Variants in JAKMIP2 observed in about 807,000 individuals in gnomAD.
JAKMIP2 encodes janus kinase and microtubule-interacting protein 2.
A neutral mutation model predicts 115.0 loss-of-function variants in JAKMIP2; 25 were observed. The ratio of observed to expected loss-of-function variants is 0.22; its 90% CI spans 0.16 to 0.30. The LOEUF (loss-of-function observed/expected upper bound fraction) is 0.30, where lower values mean the gene tolerates loss of function less well. Ranked by LOEUF, JAKMIP2 falls within the 10% of genes least tolerant of loss-of-function variation. JAKMIP2 has a pLI of 1.00. For synonymous variants in JAKMIP2, 334 were observed against 343.6 expected (o/e 0.97, Z 0.31); for missense variants, 642 against 957.6 (o/e 0.67, Z 4.35).
intron 10 of JAKMIP2, 77 bp downstream of exon 10, chr5:147,639,555 T>C: frequency 2.0e-6 from 3 of 1,486,134 alleles, no homozygotes; most frequent in East Asian, 2.3e-5. Flanking sequence ...GTCTTATTGA[T>C]ATTTTTATGT....
intron 1 of JAKMIP2, among the ~76,000 whole-genome samples, chr5:147,715,683 T>A (rs974215916): frequency 6.6e-6 from 1 of 151,886 alleles, no homozygotes; most frequent in African/African-American, 2.4e-5. Flanking sequence ...GACCAAATTT[T>A]AAAGGGAAAT....
At chr5:147,598,874 C>T (rs1208754774) in intron 21 of JAKMIP2, among the ~76,000 whole-genome samples, 1 of 152,200 alleles carries the variant, frequency 6.6e-6, no homozygotes, top group Non-Finnish European at 1.5e-5. Flanking sequence ...TAAGCTTTCA[C>T]TACCTACCAA....
rs772321659 is a variant in JAKMIP2 at position 147,639,727 on chromosome 5, G to A, written c.1435C>T (p.Arg479Ter). 3 of 1,613,520 alleles carry A rather than the reference G, an allele frequency of 1.9e-6. No individual in the cohort carries two copies. The highest frequency in any genetic ancestry group is 2.5e-6 in the Non-Finnish European group (3 of 1,179,732). The change falls in exon 10 of 22, where the codon CGA becomes TGA. Residue 479 changes from arginine to a stop codon, truncating the protein, a stop_gained. Coordinates refer to ENST00000616793, the MANE Select transcript of JAKMIP2 (RefSeq NM_001270941.2). LOFTEE classifies it high-confidence loss of function. ...GCCTGATATTCTTTTGTTAATTGTCGAAATCTTAGTTCAGATTCTTCAGCT... is the reference window on the plus strand; with the variant it reads ...GCCTGATATTCTTTTGTTAATTGTCAAAATCTTAGTTCAGATTCTTCAGCT... Reference protein sequence around the residue: ...LAAEESELRFRQLTKEYQALQ... With the variant: ...LAAEESELRF
At position 147,589,579 on chromosome 5, in the gene JAKMIP2, C is replaced by T. The variant is rs2126538644; in HGVS notation, c.*2128G>A. On this transcript the variant is annotated 3_prime_UTR_variant, in exon 22 of 22. Transcript: ENST00000616793. ...GTGATACTGTCAGTTTGCTCCAAGC[C>T]TTTGTTTAATGACTGGCTCTCCTGT... The T allele has an allele frequency of 6.6e-6, 1 of 152,254 alleles. No individual in the cohort carries two copies. Among genetic ancestry groups the T allele is most frequent in the East Asian group, 1.9e-4 (1 of 5,170 alleles). The allele number at this position is 152,254 out of a possible 1,614,324, so 9.4% of individuals were successfully genotyped here. A position where few individuals can be genotyped will look rare whatever the true frequency, so the allele number is the denominator to read the frequency against.
At chr5:147,701,030 A>T (rs1341053340) in intron 1 of JAKMIP2, among the ~76,000 whole-genome samples, 3 of 152,176 alleles carry the variant, frequency 2.0e-5, no homozygotes, top group Non-Finnish European at 4.4e-5. Context: ...GAGTGAGATT[A>T]TGTAGAGTCC....
intron 1 of JAKMIP2, among the ~76,000 whole-genome samples, chr5:147,749,352 C>T (rs182591925): frequency 6.6e-6 from 1 of 152,218 alleles, no homozygotes; most frequent in Admixed American, 6.5e-5. Context: ...CAAAAGGAAC[C>T]CTTTTTAATC....
At chr5:147,606,611 T>C (rs991611592) in intron 20 of JAKMIP2, among the ~76,000 whole-genome samples, 34 of 152,224 alleles carry the variant, frequency 2.2e-4, no homozygotes, top group African/African-American at 7.7e-4. Context: ...TGAAGTCAGG[T>C]AGCATGATGC....
At position 147,588,649 on chromosome 5, in the gene JAKMIP2, C is replaced by G. The variant is rs576644110; in HGVS notation, c.*3058G>C. ...GAGTTGGTAAAAATTACAGTTCAGT[C>G]TATAGTCTTGAGAAATTTGCTAATC... On this transcript the variant is annotated 3_prime_UTR_variant, in exon 22 of 22. Transcript: ENST00000616793. 21 of 152,024 alleles carry G rather than the reference C, an allele frequency of 1.4e-4. No homozygotes were observed. Among genetic ancestry groups the G allele is most frequent in the Non-Finnish European group, 3.1e-4 (21 of 68,002 alleles). 9.4% of individuals were successfully genotyped at this position (152,024 alleles called of 1,614,324 possible). A position where few individuals can be genotyped will look rare whatever the true frequency, so the allele number is the denominator to read the frequency against.
At chr5:147,722,533 TA>T (rs961127636) in intron 1 of JAKMIP2, among the ~76,000 whole-genome samples, 116 of 152,312 alleles carry the variant, frequency 7.6e-4, no homozygotes, top group African/African-American at 2.6e-3. Flanking sequence ...GGCTATAATT[TA>T]TTTATATTTT....
At chr5:147,718,446 G>T (rs1000439225) in intron 1 of JAKMIP2, among the ~76,000 whole-genome samples, 2 of 151,998 alleles carry the variant, frequency 1.3e-5, no homozygotes, top group African/African-American at 4.8e-5. Context: ...TTGTACCTCT[G>T]GTAGAATTCA....
chr5:147,725,205 A>G (rs1322213109), intron 1 of JAKMIP2, among the ~76,000 whole-genome samples: 2 of 152,146 alleles, frequency 1.3e-5, no homozygotes, highest in African/African-American at 4.8e-5. Context: ...TATATGGTCC[A>G]AAAATGGGAT....
At chr5:147,743,613 A>G (rs1754231678) in intron 1 of JAKMIP2, among the ~76,000 whole-genome samples, 1 of 152,202 alleles carries the variant, frequency 6.6e-6, no homozygotes, top group South Asian at 2.1e-4. Flanking sequence ...GGACAGTTCA[A>G]TGCTACTTTG....
intron 1 of JAKMIP2, among the ~76,000 whole-genome samples, chr5:147,751,253 G>GTT (rs1362390681): frequency 2.3e-5 from 3 of 130,714 alleles, no homozygotes; most frequent in Admixed American, 7.6e-5. Context: ...TTTTTTTGTT[G>GTT]TTGTTTTTTT....
chr5:147,657,502 G>A (rs1758738630), intron 3 of JAKMIP2, among the ~76,000 whole-genome samples: 1 of 152,084 alleles, frequency 6.6e-6, no homozygotes, highest in Admixed American at 6.5e-5. Flanking sequence ...TTCTAATGGA[G>A]TATCTTAGTG....
intron 2 of JAKMIP2, among the ~76,000 whole-genome samples, chr5:147,665,942 T>A (rs956970947): frequency 6.6e-6 from 1 of 152,154 alleles, no homozygotes; most frequent in Non-Finnish European, 1.5e-5. Flanking sequence ...GGAAATTATT[T>A]TTAAAAAAGT....
Position 147,588,080 on chromosome 5 carries a change from A to T in JAKMIP2, c.*3627T>A, listed in dbSNP as rs1754948622. On this transcript the variant is annotated 3_prime_UTR_variant, in exon 22 of 22. Transcript: ENST00000616793. ...TCAGCAAATTCTATTTCCTAAAAGTAGGGTGGCATTAAAGAAAAGTTTGAC... is the reference window on the plus strand; with the variant it reads ...TCAGCAAATTCTATTTCCTAAAAGTTGGGTGGCATTAAAGAAAAGTTTGAC... The T allele has an allele frequency of 6.6e-6, 1 of 152,162 alleles. No homozygotes were observed. The highest frequency in any genetic ancestry group is 1.5e-5 in the Non-Finnish European group (1 of 68,024). 9.4% of individuals were successfully genotyped at this position (152,162 alleles called of 1,614,324 possible). A position where few individuals can be genotyped will look rare whatever the true frequency, so the allele number is the denominator to read the frequency against.
Position 147,639,755 on chromosome 5 carries a change from T to G in JAKMIP2, c.1407A>C (p.Leu469Phe). 1 of 1,609,470 alleles carries G rather than the reference T, an allele frequency of 6.2e-7. No homozygotes were observed. The highest frequency in any genetic ancestry group is 8.5e-7 in the Non-Finnish European group (1 of 1,179,368). The change falls in exon 10 of 22, where the codon TTA (leucine) becomes TTC (phenylalanine). Residue 469 changes from leucine (L) to phenylalanine (F), a missense_variant. Around this residue, in one of 6 missense-constraint regions of JAKMIP2, gnomAD observed 439 missense variants for 570.9 expected, o/e 0.77. Transcript: ENST00000616793. ...ATCTTAGTTCAGATTCTTCAGCTGC[T>G]AAACTCTTGAGGTTAAGAAAAAAAG... Reference protein sequence around the residue: ...ATPDDDLDESLAAEESELRFR... With the variant: ...ATPDDDLDESFAAEESELRFR...
chr5:147,591,804 A>G (rs1755105265), intron 21 of JAKMIP2, 118 bp from the exon 22 acceptor site: 1 of 625,010 alleles, frequency 1.6e-6, no homozygotes, highest in Non-Finnish European at 2.8e-6. Context: ...TTTGATGTGT[A>G]TGATCTTATG....
chr5:147,705,833 T>G (rs765406398), intron 1 of JAKMIP2, among the ~76,000 whole-genome samples: 44 of 152,190 alleles, frequency 2.9e-4, no homozygotes, highest in Non-Finnish European at 3.7e-4. Flanking sequence ...ATTTTTTATG[T>G]ATAAGATGAA....
Sources: gnomAD v4.1 joint callset for allele counts (sites outside exome capture counted in the v4.1 genomes callset) on GRCh38, gnomAD v4.1.1 for gene constraint, gnomAD v4.1.1 regional missense constraint, MANE v1.5 for transcripts, NCBI Gene and HGNC (gene_info 2026-07-23, HGNC 2026-07-21) for gene names.